Variants in DSCAML1 observed in about 807,000 individuals in gnomAD.
The protein encoded by DSCAML1 is cell adhesion molecule DSCAML1.
A neutral mutation model predicts 200.5 loss-of-function variants in DSCAML1; 38 were observed. The observed-to-expected ratio is 0.19, with a 90% confidence interval of 0.15 to 0.25. The LOEUF is 0.25. Among genes scored for constraint, DSCAML1 ranks in the 10% least tolerant of loss-of-function variants. The probability of loss-of-function intolerance (pLI) is 1.00; values close to 1 mark genes in which losing one functional copy is unlikely to be tolerated. For synonymous variants in DSCAML1, 1,215 were observed against 1,165.0 expected (o/e 1.04, Z -0.87); for missense variants, 2,223 against 2,858.8 (o/e 0.78, Z 5.07).
At chr11:117,626,213 T>C (rs77540819) in intron 3 of DSCAML1, among the ~76,000 whole-genome samples, 16 of 84,890 alleles carry the variant, frequency 1.9e-4, no homozygotes, top group African/African-American at 2.6e-4. Flanking sequence ...CCCCCCCTCC[T>C]TCTTCTGGCA....
At chr11:117,581,995 C>T (rs1208595603) in intron 3 of DSCAML1, among the ~76,000 whole-genome samples, 1 of 152,110 alleles carries the variant, frequency 6.6e-6, no homozygotes, top group African/African-American at 2.4e-5. Context: ...CTGTAAGGAG[C>T]ACACCACAGT....
intron 3 of DSCAML1, among the ~76,000 whole-genome samples, chr11:117,665,888 A>G (rs2052964724): frequency 6.6e-6 from 1 of 152,132 alleles, no homozygotes; most frequent in Non-Finnish European, 1.5e-5. Flanking sequence ...CAACCTCCTC[A>G]TTTCCCAGAT....
chr11:117,539,606 C>CAAAAAAAAAAAAAAAAAAAAAAAAAAAA (rs35130897), intron 3 of DSCAML1, among the ~76,000 whole-genome samples: 8 of 52,604 alleles, frequency 1.5e-4, no homozygotes, highest in East Asian at 4.9e-4. Context: ...AAAACTCTGT[C>CAAAAAAAAAAAAAAAAAAAAAAAAAAAA]AAAAAAAAAA....
At chr11:117,459,958 T>C (rs2048446940) in intron 18 of DSCAML1, among the ~76,000 whole-genome samples, 1 of 152,160 alleles carries the variant, frequency 6.6e-6, no homozygotes, top group Middle Eastern at 3.4e-3. Flanking sequence ...CCCTCGGAGG[T>C]CAGAGCAGCA....
At chr11:117,581,014 CA>C (rs2076142299) in intron 3 of DSCAML1, among the ~76,000 whole-genome samples, 1 of 152,144 alleles carries the variant, frequency 6.6e-6, no homozygotes, top group Admixed American at 6.5e-5. Flanking sequence ...CATTCTTATG[CA>C]AAAATGACTT....
At position 117,469,508 on chromosome 11, in the gene DSCAML1, G is replaced by A. The variant is rs1055772984; in HGVS notation, c.3024+402C>T. On this transcript the variant is annotated intron_variant, in intron 16 of 32. Coordinates refer to ENST00000651296, the MANE Select transcript of DSCAML1 (RefSeq NM_020693.4). This position sits in a 1 kb window ranked among gnomAD's most constrained non-coding sequence, Gnocchi z 4.1. ...CTCTACAGTTTCTCCACCCTCAGAG[G>A]TAGGGAGGGCAGTTGTTTTCATGCT... Among the ~76,000 whole-genome samples the A allele has an allele frequency of 8.5e-5, 13 of 152,262 alleles. No homozygotes were observed. In the South Asian group the frequency reaches 2.5e-3, roughly 29 times the overall value.
chr11:117,745,680 T>C (rs879808748), intron 3 of DSCAML1, among the ~76,000 whole-genome samples: 1 of 152,212 alleles, frequency 6.6e-6, no homozygotes, highest in Non-Finnish European at 1.5e-5. Flanking sequence ...AGGCCAGTTC[T>C]TGAACAGCTT....
chr11:117,790,866 C>T (rs759577697), intron 1 of DSCAML1, among the ~76,000 whole-genome samples: 1 of 152,180 alleles, frequency 6.6e-6, no homozygotes, highest in Non-Finnish European at 1.5e-5. Flanking sequence ...AACACACAGA[C>T]ACACATACAC....
intron 3 of DSCAML1, among the ~76,000 whole-genome samples, chr11:117,684,451 A>G (rs1439056592): frequency 2.7e-5 from 4 of 149,400 alleles, no homozygotes; most frequent in South Asian, 2.1e-4. Flanking sequence ...AAAAAAAAAA[A>G]AAAAAAAAAG....
At chr11:117,432,194 G>A (rs3892796) in intron 30 of DSCAML1, among the ~76,000 whole-genome samples, 158 bp downstream of exon 30, 15,407 of 152,164 alleles carry the variant, frequency 0.1, 817 homozygotes, top group Admixed American at 0.11. Context: ...TAAATCTGCA[G>A]TTGAGGTCTC....
chr11:117,665,749 G>A (rs147578522), intron 3 of DSCAML1, among the ~76,000 whole-genome samples: 1 of 152,256 alleles, frequency 6.6e-6, no homozygotes, highest in East Asian at 1.9e-4. Context: ...TAATCCCAAC[G>A]GCCTCAGTCC....
chr11:117,507,572 C>T (rs991902625), intron 8 of DSCAML1, among the ~76,000 whole-genome samples: 2 of 152,158 alleles, frequency 1.3e-5, no homozygotes, highest in African/African-American at 2.4e-5. Context: ...CCTCTGTGAC[C>T]GTCAGTAGGG....
chr11:117,667,224 C>T (rs2052997564), intron 3 of DSCAML1, among the ~76,000 whole-genome samples: 1 of 152,060 alleles, frequency 6.6e-6, no homozygotes. Context: ...CCAGCCTGGC[C>T]AACATGGTGA....
rs58988291 is a variant in DSCAML1, at chr11:117,528,692, C to T, written c.659-3609G>A. Among the ~76,000 whole-genome samples, 474 of 152,342 alleles carry T rather than the reference C, an allele frequency of 3.1e-3. 7 individuals are homozygous for T. Among genetic ancestry groups the T allele is most frequent in the African/African-American group, 0.011 (440 of 41,576 alleles). On this transcript the variant is annotated intron_variant, in intron 4 of 32. Transcript: ENST00000651296. The stretch of plus-strand genomic sequence containing the variant: ...TGTGAGCTGGGGATCCGATTCCAGT[C>T]CCTCAGCCTCTCTGACCACTAGTCT...
At chr11:117,710,688 G>A (rs1327616548) in intron 3 of DSCAML1, among the ~76,000 whole-genome samples, 1 of 152,210 alleles carries the variant, frequency 6.6e-6, no homozygotes, top group Non-Finnish European at 1.5e-5. Context: ...TAAATGAAAT[G>A]AGCTATGTAA....
At chr11:117,739,715 T>C (rs2054388226) in intron 3 of DSCAML1, among the ~76,000 whole-genome samples, 1 of 152,150 alleles carries the variant, frequency 6.6e-6, no homozygotes, top group East Asian at 1.9e-4. Flanking sequence ...TGCATGGCCA[T>C]TAGTGGTGGC....
chr11:117,564,050 G>A (rs941023199), intron 3 of DSCAML1, among the ~76,000 whole-genome samples: 24 of 152,208 alleles, frequency 1.6e-4, no homozygotes, highest in African/African-American at 5.3e-4. Context: ...CACTAGTGGA[G>A]TTCACCGAGG....
chr11:117,505,080 T>C lies in DSCAML1; in HGVS notation c.2063-37A>G. On this transcript the variant is annotated intron_variant, in intron 9 of 32. Coordinates refer to ENST00000651296, the MANE Select transcript of DSCAML1 (RefSeq NM_020693.4). The surrounding 1 kb of genome is among the most constrained non-coding windows in gnomAD (Gnocchi z 6.7). ...GGGAAGGTAGGGAAACAGACCATTTTAGTCTCTGATGGGTCTCCTAGGGCT... is the reference window on the plus strand; with the variant it reads ...GGGAAGGTAGGGAAACAGACCATTTCAGTCTCTGATGGGTCTCCTAGGGCT... The C allele has an allele frequency of 6.3e-7, 1 of 1,597,724 alleles. No individual in the cohort carries two copies. The highest frequency in any genetic ancestry group is 8.6e-7 in the Non-Finnish European group (1 of 1,169,152).
chr11:117,436,199 G>A (rs944079194), intron 26 of DSCAML1, among the ~76,000 whole-genome samples: 1 of 152,140 alleles, frequency 6.6e-6, no homozygotes, highest in Non-Finnish European at 1.5e-5. Context: ...TGGACCCTGG[G>A]TTCTCTTCCC....
Sources: allele counts gnomAD v4.1 joint callset (sites outside exome capture counted in the v4.1 genomes callset), GRCh38; gene constraint gnomAD v4.1.1; non-coding constraint Gnocchi (gnomAD v3.1); transcripts MANE v1.5; gene names NCBI Gene and HGNC (gene_info 2026-07-23, HGNC 2026-07-21).